Variants in CAPN11 observed in about 807,000 individuals in gnomAD.
The protein encoded by CAPN11 is calpain-11.
Under a neutral mutation model 105.3 loss-of-function variants are expected in CAPN11, and 108 were observed. The ratio of observed to expected loss-of-function variants is 1.03; its 90% CI spans 0.88 to 1.20. The LOEUF is 1.20. Ranked by LOEUF, CAPN11 falls within the 50% of genes most tolerant of loss-of-function variation. CAPN11 has a pLI of 0.00. For synonymous variants in CAPN11, 329 were observed against 344.5 expected (o/e 0.96, Z 0.50); for missense variants, 883 against 924.8 (o/e 0.95, Z 0.59).
At position 44,176,154 on chromosome 6, in the gene CAPN11, G is replaced by T. The variant is rs780824429; in HGVS notation, c.915+3G>T. ...ACTCTGTGACTGGCCTTCAGGATGT[G>T]AGTCCTGAGAAATGCGCCCTACCCT... On this transcript the variant is annotated splice_donor_region_variant and intron_variant, in intron 8 of 22. Coordinates refer to ENST00000398776, the MANE Select transcript of CAPN11 (RefSeq NM_007058.4). 1 of 1,573,554 alleles carries T rather than the reference G, an allele frequency of 6.4e-7. No individual in the cohort carries two copies. The highest frequency in any genetic ancestry group is 8.7e-7 in the Non-Finnish European group (1 of 1,148,402).
intron 7 of CAPN11, among the ~76,000 whole-genome samples, chr6:44,173,684 G>A (rs1308472888): frequency 3.9e-5 from 6 of 151,912 alleles, no homozygotes; most frequent in African/African-American, 1.5e-4. Context: ...CTGGGTTCAA[G>A]TGATTCTCCT....
chr6:44,176,861 ACAACTTCACGCTCCTGGAGATCTG>A lies in CAPN11; in HGVS notation c.1105_1128del (p.Phe369_Asn376del), dbSNP rs1391495498. On this transcript the variant is annotated inframe_deletion, in exon 11 of 23. Coordinates refer to ENST00000398776, the MANE Select transcript of CAPN11 (RefSeq NM_007058.4). ...AGGATGTCCTACCAAGATTTCCTGA[ACAACTTCACGCTCCTGGAGATCTG>A]CAACCTCACGCCTGATACACTCTCT... is the stretch of plus-strand genomic sequence containing the variant. 1 of 1,613,926 alleles carries A rather than the reference ACAACTTCACGCTCCTGGAGATCTG, an allele frequency of 6.2e-7. No homozygotes were observed. The highest frequency in any genetic ancestry group is 2.2e-5 in the East Asian group (1 of 44,870).
intron 1 of CAPN11, among the ~76,000 whole-genome samples, chr6:44,165,266 T>G (rs1169394855): frequency 6.6e-6 from 1 of 152,100 alleles, no homozygotes; most frequent in Non-Finnish European, 1.5e-5. Flanking sequence ...AAGGGGCCAG[T>G]TGGGGAATCA....
chr6:44,169,776 G>T (rs1224106400), intron 3 of CAPN11, 130 bp from the exon 4 acceptor site: 3 of 834,534 alleles, frequency 3.6e-6, no homozygotes, highest in Non-Finnish European at 5.8e-6. Context: ...AGTTGGTCCT[G>T]TACCCTCTCC....
intron 2 of CAPN11, among the ~76,000 whole-genome samples, chr6:44,167,957 G>A (rs929387486): frequency 6.0e-5 from 9 of 150,924 alleles, no homozygotes; most frequent in African/African-American, 2.2e-4. Flanking sequence ...TAATTCCAAA[G>A]TACAATTCCA....
chr6:44,183,929 A>G lies in CAPN11; in HGVS notation c.2217A>G (p.Gly739=), dbSNP rs1582895045. 1 of 1,552,896 alleles carries G rather than the reference A, an allele frequency of 6.4e-7. No homozygotes were observed. Among genetic ancestry groups the G allele is most frequent in the Non-Finnish European group, 8.7e-7 (1 of 1,148,828 alleles). ...AGTGGCTGCAGATGACCATGTGGGG[A>G]TAGAGGCGCTGTAGGAGCCTGGTCA... ...LEQWLQMTMW[G] The change falls in exon 23 of 23, where the codon GGA becomes GGG. Residue 739 remains glycine (G), a synonymous_variant. Transcript: ENST00000398776.
At chr6:44,177,797 A>G (rs1476523883) in intron 12 of CAPN11, among the ~76,000 whole-genome samples, 3 of 150,744 alleles carry the variant, frequency 2.0e-5, no homozygotes. Flanking sequence ...GCCTGGCCTC[A>G]CTCCTTTCTC....
intron 21 of CAPN11, among the ~76,000 whole-genome samples, 157 bp from the exon 22 acceptor site, chr6:44,183,548 G>A (rs1372287107): frequency 2.0e-5 from 3 of 152,204 alleles, no homozygotes; most frequent in Middle Eastern, 3.2e-3. Flanking sequence ...GTGAGGCTAT[G>A]TGAGTTGCTA....
At chr6:44,166,897 T>C in intron 2 of CAPN11, 68 bp downstream of exon 2, 1 of 1,062,550 alleles carries the variant, frequency 9.4e-7, no homozygotes. Flanking sequence ...CTCTCTTCTC[T>C]TCCCCTGGGC....
At chr6:44,166,686 C>A in intron 1 of CAPN11, 72 bp from the exon 2 acceptor site, 1 of 1,148,194 alleles carries the variant, frequency 8.7e-7, no homozygotes, top group Non-Finnish European at 1.3e-6. Context: ...TCCTACACCC[C>A]AGCCCCAGCT....
chr6:44,161,584 A>G (rs535868507), intron 1 of CAPN11, among the ~76,000 whole-genome samples: 1 of 152,178 alleles, frequency 6.6e-6, no homozygotes, highest in Non-Finnish European at 1.5e-5. Flanking sequence ...ATGACCTCAC[A>G]CCCTGGGGAC....
intron 18 of CAPN11, 66 bp from the exon 19 acceptor site, chr6:44,181,186 C>CG: frequency 6.8e-7 from 1 of 1,476,642 alleles, no homozygotes; most frequent in Non-Finnish European, 9.5e-7. Flanking sequence ...CAGGAACCCC[C>CG]GCTGCTTCCC....
chr6:44,159,140 T>G (rs1396021577), intron 1 of CAPN11, among the ~76,000 whole-genome samples: 1 of 150,900 alleles, frequency 6.6e-6, no homozygotes, highest in Non-Finnish European at 1.5e-5. Context: ...GCAGGAACTC[T>G]TTCTCCTCTC....
At chr6:44,182,863 C>T (rs531116608) in intron 19 of CAPN11, 78 bp from the exon 20 acceptor site, 624 of 1,084,662 alleles carry the variant, frequency 5.8e-4, no homozygotes, top group Non-Finnish European at 8.0e-4. Flanking sequence ...CATGAGCCAC[C>T]GCGCCCGGCC....
In CAPN11 at chr6:44,180,780, G is replaced by T. The variant is rs1475499503; in HGVS notation, c.1779G>T (p.Arg593Ser). 6.2e-7 allele frequency: 1 copy of T among 1,613,498 alleles called. No individual in the cohort carries two copies. Among genetic ancestry groups the T allele is most frequent in the Non-Finnish European group, 8.5e-7 (1 of 1,179,776 alleles). ...GKEIGVYELQ[R>S]LLNRMAIKFK... ...AGATAGGGGTGTATGAGCTCCAGAG[G>T]CTGCTCAACAGGATGGCCATCAAAT... The change falls in exon 17 of 23, where the codon AGG becomes AGT. Residue 593 changes from arginine (R) to serine (S), a missense_variant. Physicochemically the swap from Arg to Ser is moderately radical, Grantham distance 110. Coordinates refer to ENST00000398776, the MANE Select transcript of CAPN11 (RefSeq NM_007058.4).
chr6:44,177,544 G>A (rs1439242573), intron 12 of CAPN11, 124 bp downstream of exon 12: 1 of 885,892 alleles, frequency 1.1e-6, no homozygotes. Flanking sequence ...CTGGAGTGCA[G>A]TGGCACAATC....
At chr6:44,165,245 A>T (rs569587522) in intron 1 of CAPN11, among the ~76,000 whole-genome samples, 3 of 152,292 alleles carry the variant, frequency 2.0e-5, no homozygotes, top group Admixed American at 1.3e-4. Flanking sequence ...GGGGAGGAGG[A>T]TGTTAGAAGA....
At chr6:44,163,500 G>C (rs1345300129) in intron 1 of CAPN11, among the ~76,000 whole-genome samples, 1 of 152,194 alleles carries the variant, frequency 6.6e-6, no homozygotes, top group African/African-American at 2.4e-5. Context: ...TGAGAGCATA[G>C]AGCAGCCTGC....
At chr6:44,167,227 G>T (rs913878873) in intron 2 of CAPN11, among the ~76,000 whole-genome samples, 1 of 152,056 alleles carries the variant, frequency 6.6e-6, no homozygotes, top group African/African-American at 2.4e-5. Flanking sequence ...GGCCGGGCGT[G>T]GTGGCTCATG....
Sources: allele counts gnomAD v4.1 joint callset (sites outside exome capture counted in the v4.1 genomes callset), GRCh38; gene constraint gnomAD v4.1.1; transcripts MANE v1.5; gene names NCBI Gene and HGNC (gene_info 2026-07-23, HGNC 2026-07-21).